DSCAML1: variants seen among roughly 807,000 people sequenced by gnomAD.
The protein encoded by DSCAML1 is DS cell adhesion molecule like 1, also known as cell adhesion molecule DSCAML1.
In DSCAML1, 38 loss-of-function variants were observed where a neutral mutation model predicts 200.5. That is an observed-to-expected ratio of 0.19 (90% confidence interval 0.15 to 0.25). The LOEUF (loss-of-function observed/expected upper bound fraction) is 0.25, where lower values mean the gene tolerates loss of function less well. Among genes scored for constraint, DSCAML1 ranks in the 10% least tolerant of loss-of-function variants. The pLI, the probability that DSCAML1 is intolerant of heterozygous loss-of-function variation, is 1.00. For synonymous variants in DSCAML1, 1,215 were observed against 1,165.0 expected (o/e 1.04, Z -0.87); for missense variants, 2,223 against 2,858.8 (o/e 0.78, Z 5.07).
chr11:117,528,843 A>G lies in DSCAML1; in HGVS notation c.658+3533T>C, dbSNP rs1439587590. On this transcript the variant is annotated intron_variant, in intron 4 of 32. Transcript: ENST00000651296. ...CACCTAGATGTCTGGAATGATTATG[A>G]TTAGGTTGTATTTTGTGGAGGCACA... Among the ~76,000 whole-genome samples, 3 of 152,176 alleles carry G rather than the reference A, an allele frequency of 2.0e-5. No individual in the cohort carries two copies. The South Asian group carries it at 6.2e-4, about 31-fold the overall frequency.
chr11:117,573,188 G>A (rs548794213), intron 3 of DSCAML1, among the ~76,000 whole-genome samples: 1 of 152,282 alleles, frequency 6.6e-6, no homozygotes, highest in East Asian at 1.9e-4. Flanking sequence ...CTCCAACCCC[G>A]ATCTGCTACT....
At chr11:117,634,463 C>T (rs548162064) in intron 3 of DSCAML1, among the ~76,000 whole-genome samples, 1 of 152,124 alleles carries the variant, frequency 6.6e-6, no homozygotes, top group Non-Finnish European at 1.5e-5. Flanking sequence ...GCCGAAGGCC[C>T]GTCCAGCTCC....
chr11:117,467,283 A>T (rs1304241822), intron 16 of DSCAML1, among the ~76,000 whole-genome samples: 1 of 149,100 alleles, frequency 6.7e-6, no homozygotes, highest in East Asian at 2.0e-4. Context: ...ATCTTAATCC[A>T]CACCCCTACT....
chr11:117,760,984 A>T (rs1437936552), intron 3 of DSCAML1, among the ~76,000 whole-genome samples: 2 of 152,228 alleles, frequency 1.3e-5, no homozygotes, highest in Non-Finnish European at 2.9e-5. Flanking sequence ...ACACTCTAGG[A>T]TAGCCAAAGA....
rs534312363 is a variant in DSCAML1, at chr11:117,530,831, A to G, written c.658+1545T>C. On this transcript the variant is annotated intron_variant, in intron 4 of 32. Transcript: ENST00000651296. ...ACTGGTTCCTTTTCCAGAGGCCTAG[A>G]GAGGCTGCGAGATTTCATGAGTCTA... is the stretch of plus-strand genomic sequence containing the variant. 3.3e-5 allele frequency among the ~76,000 whole-genome samples: 5 copies of G among 152,286 alleles called. No homozygotes were observed. In the South Asian group the frequency reaches 1.0e-3, roughly 32 times the overall value.
intron 18 of DSCAML1, 56 bp downstream of exon 18, chr11:117,461,394 C>A: frequency 1.2e-6 from 2 of 1,609,480 alleles, no homozygotes; most frequent in Non-Finnish European, 1.7e-6. Context: ...TGGAAGCAGA[C>A]TCCACTGACC....
intron 3 of DSCAML1, among the ~76,000 whole-genome samples, chr11:117,757,059 G>A (rs2054705622): frequency 6.6e-6 from 1 of 152,168 alleles, no homozygotes; most frequent in African/African-American, 2.4e-5. Context: ...TCAGGGTGGG[G>A]AGTTGGCAGG....
chr11:117,549,103 G>C (rs1199428302), intron 3 of DSCAML1, among the ~76,000 whole-genome samples: 1 of 152,172 alleles, frequency 6.6e-6, no homozygotes, highest in African/African-American at 2.4e-5. Flanking sequence ...CCATCCCTCT[G>C]TCCTTCCTAC....
intron 17 of DSCAML1, among the ~76,000 whole-genome samples, chr11:117,462,958 C>T (rs1173661075): frequency 6.6e-6 from 1 of 152,218 alleles, no homozygotes; most frequent in African/African-American, 2.4e-5. Flanking sequence ...CCAGGGGCCC[C>T]CCACGAGGCA....
intron 3 of DSCAML1, among the ~76,000 whole-genome samples, chr11:117,585,123 G>T (rs930713915): frequency 6.6e-6 from 1 of 152,106 alleles, no homozygotes; most frequent in Non-Finnish European, 1.5e-5. Context: ...TCTCTTCATA[G>T]TCATTCAATC....
At chr11:117,470,432 G>A (rs1236673852) in intron 15 of DSCAML1, among the ~76,000 whole-genome samples, 12 of 152,146 alleles carry the variant, frequency 7.9e-5, no homozygotes, top group African/African-American at 1.7e-4. Flanking sequence ...AAAATTAGCC[G>A]GGCGAGGTGG....
chr11:117,472,874 G>A (rs574747719), intron 14 of DSCAML1, among the ~76,000 whole-genome samples: 41 of 152,144 alleles, frequency 2.7e-4, no homozygotes, highest in Non-Finnish European at 5.3e-4. Context: ...CAGAGGAAAC[G>A]GGAAGGAGTT....
chr11:117,549,716 G>A (rs2050437175), intron 3 of DSCAML1, among the ~76,000 whole-genome samples: 2 of 152,332 alleles, frequency 1.3e-5, no homozygotes, highest in South Asian at 4.1e-4. Flanking sequence ...CTGGGCCAGT[G>A]ATTCTAGATC....
At chr11:117,585,312 T>G (rs1033347158) in intron 3 of DSCAML1, among the ~76,000 whole-genome samples, 162 of 152,174 alleles carry the variant, frequency 1.1e-3, no homozygotes, top group African/African-American at 3.6e-3. Context: ...TGCAGTGGCA[T>G]GATCTCAGCT....
chr11:117,458,021 C>T (rs778266414), intron 19 of DSCAML1, among the ~76,000 whole-genome samples: 13 of 152,174 alleles, frequency 8.5e-5, no homozygotes, highest in Non-Finnish European at 1.8e-4. Flanking sequence ...AAGAAAGTGG[C>T]GGGGCTGGAG....
In DSCAML1 at chr11:117,686,916, C is replaced by T. The variant is rs527346799; in HGVS notation, c.511+89875G>A. On this transcript the variant is annotated intron_variant, in intron 3 of 32. Transcript: ENST00000651296. ...ACACTTTGGATCCAAGAACCGGTGA[C>T]TCAGGCACTAAGTGGGAAAGTGGAT... 5.0e-4 allele frequency among the ~76,000 whole-genome samples: 76 copies of T among 152,328 alleles called. 1 individual carries two copies. The highest frequency in any genetic ancestry group is 1.7e-3 in the African/African-American group (72 of 41,576).
chr11:117,606,233 T>C (rs1219155883), intron 3 of DSCAML1, among the ~76,000 whole-genome samples: 2 of 152,020 alleles, frequency 1.3e-5, no homozygotes, highest in Non-Finnish European at 1.5e-5. Context: ...AGTAATATTT[T>C]CCCCCTGAGG....
chr11:117,807,711 G>A (rs543401468), intron 1 of DSCAML1, among the ~76,000 whole-genome samples: 1 of 152,188 alleles, frequency 6.6e-6, no homozygotes, highest in Non-Finnish European at 1.5e-5. Flanking sequence ...GGGCGGGATG[G>A]GGGCTCCTCC....
intron 3 of DSCAML1, among the ~76,000 whole-genome samples, chr11:117,602,605 C>T (rs1020475674): frequency 1.3e-5 from 2 of 152,030 alleles, no homozygotes; most frequent in Non-Finnish European, 2.9e-5. Flanking sequence ...AAGTGATCTG[C>T]CTGCCTCAGC....
Sources: gnomAD v4.1 joint callset for allele counts (sites outside exome capture counted in the v4.1 genomes callset) on GRCh38, gnomAD v4.1.1 for gene constraint, MANE v1.5 for transcripts, NCBI Gene and HGNC (gene_info 2026-07-23, HGNC 2026-07-21) for gene names.